NRG3: variants seen among roughly 807,000 people sequenced by gnomAD.
The protein encoded by NRG3 is neuregulin 3, also known as pro-neuregulin-3, membrane-bound isoform.
NRG3 carries 31 observed loss-of-function variants against 66.9 expected under a neutral mutation model. The observed-to-expected ratio is 0.46, with a 90% CI of 0.35 to 0.63. NRG3 has a LOEUF of 0.63. NRG3 is among the 20% of genes least tolerant of loss of function. NRG3 has a pLI of 0.00. For synonymous variants in NRG3, 393 were observed against 359.4 expected (o/e 1.09, Z -1.06); for missense variants, 910 against 878.9 (o/e 1.04, Z -0.45).
At chr10:82,792,197 T>C (rs1025906534) in intron 3 of NRG3, among the ~76,000 whole-genome samples, 1 of 152,176 alleles carries the variant, frequency 6.6e-6, no homozygotes, top group Non-Finnish European at 1.5e-5. Context: ...ATTGATTTTA[T>C]GGAGAGACAG....
intron 1 of NRG3, among the ~76,000 whole-genome samples, chr10:82,343,783 C>G (rs1281595913): frequency 2.0e-5 from 3 of 151,506 alleles, no homozygotes; most frequent in Non-Finnish European, 4.4e-5. Flanking sequence ...GAAAATTGTC[C>G]CCCCAATGCC....
intron 3 of NRG3, among the ~76,000 whole-genome samples, chr10:82,780,879 C>T (rs190310680): frequency 4.6e-5 from 7 of 152,234 alleles, no homozygotes; most frequent in Admixed American, 2.0e-4. Flanking sequence ...ATTCCTGCCT[C>T]AGCATTCAGG....
chr10:82,013,637 A>G (rs1307155351), intron 1 of NRG3, among the ~76,000 whole-genome samples: 1 of 152,122 alleles, frequency 6.6e-6, no homozygotes, highest in Non-Finnish European at 1.5e-5. Flanking sequence ...TTCTTTTGCA[A>G]GGTCAGACTG....
At chr10:82,397,589 T>C (rs780832809) in intron 2 of NRG3, among the ~76,000 whole-genome samples, 4 of 152,136 alleles carry the variant, frequency 2.6e-5, no homozygotes, top group Admixed American at 6.6e-5. Context: ...CTAGAGTCAG[T>C]GCAAAAGCCA....
intron 2 of NRG3, among the ~76,000 whole-genome samples, chr10:82,364,418 A>T (rs2135670813): frequency 6.6e-6 from 1 of 152,358 alleles, no homozygotes; most frequent in Non-Finnish European, 1.5e-5. Flanking sequence ...AAGGAAAATA[A>T]GTCAGCAGAA....
At chr10:82,435,004 G>A (rs1269800340) in intron 2 of NRG3, among the ~76,000 whole-genome samples, 1 of 152,104 alleles carries the variant, frequency 6.6e-6, no homozygotes, top group African/African-American at 2.4e-5. Flanking sequence ...GTTTTTAAAA[G>A]TTTCAGAAGT....
chr10:82,855,731 C>T (rs568577526), intron 3 of NRG3, among the ~76,000 whole-genome samples: 1 of 151,442 alleles, frequency 6.6e-6, no homozygotes, highest in African/African-American at 2.4e-5. Context: ...TAGATTGAAG[C>T]TGAAAAGATA....
rs71009812 is a variant in NRG3, at chr10:82,642,267, GT to G, written c.954-96299del. Among the ~76,000 whole-genome samples, 565 of 148,648 alleles carry G rather than the reference GT, an allele frequency of 3.8e-3. 2 individuals carry two copies. The highest frequency in any genetic ancestry group is 0.013 in the African/African-American group (519 of 40,592). Reference sequence around the variant, plus strand: ...AACAAGTAACCAAATAGTAGATGGAGTTTTTTTTTTTAATAGAAGTATATTA... The same window carrying G: ...AACAAGTAACCAAATAGTAGATGGAGTTTTTTTTTTAATAGAAGTATATTA... On this transcript the variant is annotated intron_variant, in intron 2 of 8. Coordinates refer to ENST00000372141, the MANE Select transcript of NRG3 (RefSeq NM_001010848.4).
intron 2 of NRG3, among the ~76,000 whole-genome samples, chr10:82,688,722 T>C (rs1286755160): frequency 2.0e-5 from 3 of 151,862 alleles, no homozygotes; most frequent in Non-Finnish European, 4.4e-5. Context: ...ATAAATCATG[T>C]AGTTTAGAAT....
At chr10:82,711,746 T>G (rs1307625703) in intron 2 of NRG3, among the ~76,000 whole-genome samples, 1 of 152,212 alleles carries the variant, frequency 6.6e-6, no homozygotes, top group Non-Finnish European at 1.5e-5. Flanking sequence ...GTTTATCATA[T>G]GATCAATTTT....
At chr10:82,605,632 ATAT>A (rs1238113136) in intron 2 of NRG3, among the ~76,000 whole-genome samples, 5 of 152,044 alleles carry the variant, frequency 3.3e-5, no homozygotes, top group African/African-American at 7.2e-5. Flanking sequence ...TTTTTGAAAA[ATAT>A]TATAGAGAAT....
intron 5 of NRG3, among the ~76,000 whole-genome samples, chr10:82,957,272 A>G (rs1256521430): frequency 6.6e-6 from 1 of 151,918 alleles, no homozygotes; most frequent in Non-Finnish European, 1.5e-5. Flanking sequence ...TTAGGAAATT[A>G]TTAGGGTAGC....
intron 1 of NRG3, among the ~76,000 whole-genome samples, chr10:82,066,427 T>C (rs999575783): frequency 3.3e-5 from 5 of 152,202 alleles, no homozygotes; most frequent in African/African-American, 1.2e-4. Context: ...ATTTGCAATC[T>C]AGTTAAGTTA....
Position 82,619,073 on chromosome 10 carries a change from T to G in NRG3, c.954-119504T>G, listed in dbSNP as rs561670255. Among the ~76,000 whole-genome samples, 185 of 152,272 alleles carry G rather than the reference T, an allele frequency of 1.2e-3. 1 individual carries two copies. The highest frequency in any genetic ancestry group is 4.1e-3 in the African/African-American group (169 of 41,560). ...TGGCATTACCATTAGAGATTTTTAT[T>G]TTTATCTATCATGTTGGGCCAAAGT... is the stretch of plus-strand genomic sequence containing the variant. On this transcript the variant is annotated intron_variant, in intron 2 of 8. Transcript: ENST00000372141.
At chr10:82,291,155 AACAC>A (rs139150473) in intron 1 of NRG3, among the ~76,000 whole-genome samples, 1 of 150,372 alleles carries the variant, frequency 6.7e-6, no homozygotes, top group East Asian at 1.9e-4. Context: ...CAAGATTAAC[AACAC>A]ACACACACAC....
At chr10:82,929,961 G>A (rs182856602) in intron 4 of NRG3, among the ~76,000 whole-genome samples, 4 of 151,952 alleles carry the variant, frequency 2.6e-5, no homozygotes, top group South Asian at 2.1e-4. Context: ...TTTAGTTCTC[G>A]CAGACCCCCC....
chr10:82,914,183 C>T (rs904679048), intron 4 of NRG3, among the ~76,000 whole-genome samples: 1 of 151,950 alleles, frequency 6.6e-6, no homozygotes, highest in African/African-American at 2.4e-5. Flanking sequence ...CTACATTACC[C>T]ATCTGTTATT....
chr10:81,889,917 G>A (rs1266881946), intron 1 of NRG3, among the ~76,000 whole-genome samples: 3 of 152,122 alleles, frequency 2.0e-5, no homozygotes, highest in African/African-American at 4.8e-5. Context: ...AGTTTTGTAA[G>A]CTTCTAAATG....
intron 1 of NRG3, among the ~76,000 whole-genome samples, chr10:82,082,570 A>C (rs1415149426): frequency 6.6e-6 from 1 of 152,168 alleles, no homozygotes; most frequent in Non-Finnish European, 1.5e-5. Flanking sequence ...GAGATCAGGG[A>C]AAAAATAAAG....
Sources: gnomAD v4.1 joint callset for allele counts (sites outside exome capture counted in the v4.1 genomes callset) on GRCh38, gnomAD v4.1.1 for gene constraint, MANE v1.5 for transcripts, NCBI Gene and HGNC (gene_info 2026-07-23, HGNC 2026-07-21) for gene names.